GRIP1: variants seen among roughly 807,000 people sequenced by gnomAD.
The protein encoded by GRIP1 is glutamate receptor interacting protein 1.
A neutral mutation model predicts 129.9 loss-of-function variants in GRIP1; 45 were observed. The ratio of observed to expected loss-of-function variants is 0.35; its 90% CI spans 0.27 to 0.44. GRIP1 has a LOEUF of 0.44. Among genes scored for constraint, GRIP1 ranks in the 20% least tolerant of loss-of-function variants. The pLI is 1.00. For missense variants in GRIP1, 1,196 were observed against 1,396.8 expected (o/e 0.86, Z 2.29); for synonymous variants, 530 against 520.8 (o/e 1.02, Z -0.24).
Position 66,537,601 on chromosome 12 carries a change from T to C in GRIP1, c.418+1477A>G, listed in dbSNP as rs188217926. On this transcript the variant is annotated intron_variant, in intron 4 of 24. Coordinates refer to ENST00000359742, the MANE Select transcript of GRIP1 (RefSeq NM_001366722.1). ...AGAAATTAATGTATCCATAAAGAAC[T>C]AATATAAAACATACTAAATATGCTT... 3.1e-3 allele frequency among the ~76,000 whole-genome samples: 476 copies of C among 151,964 alleles called. 2 individuals carry two copies. The highest frequency in any genetic ancestry group is 0.01 in the Middle Eastern group (3 of 290).
At chr12:66,734,433 G>A (rs925939852) in intron 1 of GRIP1, among the ~76,000 whole-genome samples, 2 of 152,096 alleles carry the variant, frequency 1.3e-5, no homozygotes, top group East Asian at 1.9e-4. Context: ...TGTCAGGGGC[G>A]ATCACTGCTG....
At chr12:66,410,233 G>A (rs868378746) in intron 15 of GRIP1, among the ~76,000 whole-genome samples, 12 of 97,956 alleles carry the variant, frequency 1.2e-4, no homozygotes, top group African/African-American at 4.1e-4. Flanking sequence ...CTGGGCGACA[G>A]AGCGAGACTC....
chr12:66,971,998 T>A (rs1484943569), intron 1 of GRIP1, among the ~76,000 whole-genome samples: 1 of 152,090 alleles, frequency 6.6e-6, no homozygotes, highest in East Asian at 1.9e-4. Flanking sequence ...AATGTGTTGC[T>A]CAACAAGAAC....
chr12:66,800,459 C>G (rs1333068136), intron 1 of GRIP1, among the ~76,000 whole-genome samples: 7 of 152,138 alleles, frequency 4.6e-5, no homozygotes, highest in African/African-American at 1.7e-4. Flanking sequence ...TCAAGTAATT[C>G]AGCTGCATGG....
rs181037446 is a variant in GRIP1, at chr12:67,052,096, C to G, written c.58+16954G>C. On this transcript the variant is annotated intron_variant, in intron 1 of 1. Coordinates refer to the GRIP1 transcript ENST00000643019. ...TCCAGGTATGTATTATTCTATGACA[C>G]GTTTGGAGGCCTTAAGTCTGACACA... 2.6e-5 allele frequency among the ~76,000 whole-genome samples: 4 copies of G among 152,268 alleles called. No individual in the cohort carries two copies. The East Asian group carries it at 5.8e-4, about 22-fold the overall frequency.
intron 1 of GRIP1, among the ~76,000 whole-genome samples, chr12:66,943,989 C>T (rs2041628301): frequency 6.6e-6 from 1 of 152,130 alleles, no homozygotes; most frequent in Admixed American, 6.5e-5. Flanking sequence ...TCTAATCTTT[C>T]ACCGATGTCC....
At chr12:66,745,532 A>G (rs2036917014) in intron 1 of GRIP1, among the ~76,000 whole-genome samples, 1 of 152,228 alleles carries the variant, frequency 6.6e-6, no homozygotes, top group Admixed American at 6.5e-5. Flanking sequence ...CTTCCAGTGG[A>G]TAAAGCAAAT....
Position 66,409,699 on chromosome 12 carries a change from G to A in GRIP1, c.1839-3271C>T, listed in dbSNP as rs115425417. ...GACCTCACCAAGTGAACTAAATAAGGCACGAAAGACCAATCACAGAGAAAT... is the reference window on the plus strand; with the variant it reads ...GACCTCACCAAGTGAACTAAATAAGACACGAAAGACCAATCACAGAGAAAT... On this transcript the variant is annotated intron_variant, in intron 15 of 24. Transcript: ENST00000359742. Among the ~76,000 whole-genome samples, 521 of 152,176 alleles carry A rather than the reference G, an allele frequency of 3.4e-3. 10 individuals carry two copies. Among genetic ancestry groups the A allele is most frequent in the African/African-American group, 0.012 (499 of 41,508 alleles).
At chr12:66,957,406 A>G (rs543632647) in intron 1 of GRIP1, among the ~76,000 whole-genome samples, 2 of 145,724 alleles carry the variant, frequency 1.4e-5, no homozygotes, top group South Asian at 4.4e-4. Context: ...AGATTTTCTT[A>G]GCTTTAATCT....
chr12:66,662,365 T>C (rs376496805), intron 1 of GRIP1, among the ~76,000 whole-genome samples: 4 of 152,204 alleles, frequency 2.6e-5, no homozygotes, highest in African/African-American at 7.2e-5. Context: ...CAAAAGTCTA[T>C]ACAAGTTAAA....
intron 1 of GRIP1, among the ~76,000 whole-genome samples, chr12:66,975,435 T>C (rs1370494382): frequency 6.6e-6 from 1 of 152,214 alleles, no homozygotes; most frequent in East Asian, 1.9e-4. Context: ...AACAAACCTG[T>C]GGCAGTGCTA....
At chr12:67,059,427 A>G (rs1283415198) in intron 1 of GRIP1, among the ~76,000 whole-genome samples, 1 of 152,216 alleles carries the variant, frequency 6.6e-6, no homozygotes, top group South Asian at 2.1e-4. Flanking sequence ...CCAAGTCCAG[A>G]GCAGTAGACA....
intron 1 of GRIP1, among the ~76,000 whole-genome samples, chr12:66,647,913 G>A (rs1055420227): frequency 1.3e-5 from 2 of 152,150 alleles, no homozygotes; most frequent in South Asian, 4.1e-4. Context: ...CCTAACATAT[G>A]ATTCCTTTAT....
At chr12:66,384,053 T>C (rs1450945982) in intron 19 of GRIP1, among the ~76,000 whole-genome samples, 1 of 152,354 alleles carries the variant, frequency 6.6e-6, no homozygotes, top group South Asian at 2.1e-4. Flanking sequence ...TGGAGTTACA[T>C]ACCAGCTCGA....
At chr12:66,550,583 G>A (rs1193387290) in intron 2 of GRIP1, among the ~76,000 whole-genome samples, 7 of 152,072 alleles carry the variant, frequency 4.6e-5, no homozygotes, top group African/African-American at 1.7e-4. Context: ...TTCCCCCTGG[G>A]GTTTATCCAT....
chr12:66,829,945 TC>T (rs1354178069), intron 1 of GRIP1, among the ~76,000 whole-genome samples: 1 of 152,162 alleles, frequency 6.6e-6, no homozygotes, highest in Admixed American at 6.5e-5. Flanking sequence ...AAGTTACTTG[TC>T]CAAAGTAAAA....
chr12:66,487,168 T>C (rs1274346526), intron 7 of GRIP1, among the ~76,000 whole-genome samples: 1 of 152,112 alleles, frequency 6.6e-6, no homozygotes, highest in African/African-American at 2.4e-5. Flanking sequence ...ATGGCCCTCA[T>C]TGCACAAGCT....
intron 1 of GRIP1, among the ~76,000 whole-genome samples, chr12:66,867,961 T>G (rs2040233622): frequency 6.6e-6 from 1 of 152,012 alleles, no homozygotes; most frequent in South Asian, 2.1e-4. Context: ...CAATTCTATA[T>G]GAAGGGAAAA....
chr12:66,572,519 C>A (rs1355263647), intron 2 of GRIP1, among the ~76,000 whole-genome samples: 7 of 152,074 alleles, frequency 4.6e-5, no homozygotes, highest in Non-Finnish European at 1.0e-4. Context: ...TCCATTTTTA[C>A]ACAGGTGAAA....
Sources: allele counts gnomAD v4.1 joint callset (sites outside exome capture counted in the v4.1 genomes callset), GRCh38; gene constraint gnomAD v4.1.1; transcripts MANE v1.5; gene names NCBI Gene and HGNC (gene_info 2026-07-23, HGNC 2026-07-21).